Variants in EFCAB8 observed in about 807,000 individuals in gnomAD.
EFCAB8 encodes the protein EF-hand calcium binding domain 8, also known as EF-hand calcium-binding domain-containing protein 8.
In EFCAB8, 100 loss-of-function variants were observed where a neutral mutation model predicts 116.3. The observed-to-expected ratio is 0.86, with a 90% CI of 0.73 to 1.02. The LOEUF (loss-of-function observed/expected upper bound fraction) is 1.02. EFCAB8 is among the 50% of genes least tolerant of loss of function. EFCAB8 has a pLI of 0.00. For synonymous variants in EFCAB8, 558 were observed against 567.9 expected, an observed-to-expected ratio of 0.98 and a Z score of 0.25; for missense variants, 1,320 against 1,416.9, an observed-to-expected ratio of 0.93 and a Z score of 1.10.
At chr20:32,930,858 C>T (rs563512482) in intron 21 of EFCAB8, among the ~76,000 whole-genome samples, 1 of 152,310 alleles carries the variant, frequency 6.6e-6, no homozygotes, top group South Asian at 2.1e-4. Flanking sequence ...CTGTCTTCTC[C>T]AACTCCCTCA....
chr20:32,907,059 G>A, intron 13 of EFCAB8, 65 bp downstream of exon 13: 1 of 1,452,432 alleles, frequency 6.9e-7, no homozygotes, highest in Non-Finnish European at 9.1e-7. Flanking sequence ...CAGAGAAATG[G>A]CATGACCTCC....
chr20:32,923,747 G>A (rs1173569594), intron 20 of EFCAB8, among the ~76,000 whole-genome samples: 6 of 151,956 alleles, frequency 3.9e-5, no homozygotes, highest in African/African-American at 1.5e-4. Flanking sequence ...ACTCCTCACG[G>A]GCATCTCTTC....
chr20:32,942,580 T>C (rs1988440909), intron 22 of EFCAB8, among the ~76,000 whole-genome samples: 1 of 152,114 alleles, frequency 6.6e-6, no homozygotes, highest in Non-Finnish European at 1.5e-5. Flanking sequence ...TCATATGGAT[T>C]ACAAATATCC....
intron 17 of EFCAB8, 39 bp from the exon 18 acceptor site, chr20:32,917,262 C>A: frequency 1.4e-6 from 2 of 1,475,042 alleles, no homozygotes; most frequent in South Asian, 1.2e-5. Flanking sequence ...GCATTACAGG[C>A]TGAGCTCTCA....
chr20:32,939,335 T>C (rs942368338), intron 22 of EFCAB8, among the ~76,000 whole-genome samples: 2 of 142,918 alleles, frequency 1.4e-5, no homozygotes, highest in Middle Eastern at 3.5e-3. Flanking sequence ...CAGGCTGGAG[T>C]GCAGTGGTGC....
chr20:32,910,738 CTTTT>C (rs34185318), intron 15 of EFCAB8, among the ~76,000 whole-genome samples: 1 of 107,312 alleles, frequency 9.3e-6, no homozygotes, highest in Non-Finnish European at 1.8e-5. Context: ...TCACTTGCTA[CTTTT>C]TTTTTTTTTT....
chr20:32,943,485 A>C (rs1988470047), intron 22 of EFCAB8, among the ~76,000 whole-genome samples, 151 bp from the exon 23 acceptor site: 1 of 152,204 alleles, frequency 6.6e-6, no homozygotes, highest in Admixed American at 6.5e-5. Flanking sequence ...GGTCGCAAGC[A>C]AGTTCATGTG....
rs1465243667 is a variant in EFCAB8 at position 32,908,191 on chromosome 20, C to T, written c.1309-84C>T. 9.0e-6 allele frequency: 11 copies of T among 1,222,532 alleles called. No individual in the cohort carries two copies. In the South Asian group the frequency reaches 1.7e-4, roughly 19 times the overall value. 75.7% of individuals were successfully genotyped at this position (1,222,532 alleles called of 1,614,324 possible). A position where few individuals can be genotyped will look rare whatever the true frequency, so the allele number is the denominator to read the frequency against. The stretch of plus-strand genomic sequence containing the variant: ...ACGGACGATGTGCCCTGGCCTTGTT[C>T]GCCGGAGGCACCCCCGAGGCTTCAG... On this transcript the variant is annotated intron_variant, in intron 13 of 26. Coordinates refer to ENST00000400522, the MANE Select transcript of EFCAB8 (RefSeq NM_001143967.2).
chr20:32,939,183 CT>C (rs1568941711), intron 22 of EFCAB8, among the ~76,000 whole-genome samples: 3 of 76,534 alleles, frequency 3.9e-5, no homozygotes, highest in Middle Eastern at 6.8e-3. Flanking sequence ...TTCTTTCTTT[CT>C]TTCTTTCTTT....
chr20:32,954,616 C>T (rs1003451658), intron 23 of EFCAB8, among the ~76,000 whole-genome samples: 20 of 152,150 alleles, frequency 1.3e-4, no homozygotes, highest in African/African-American at 4.6e-4. Flanking sequence ...AAGATATTCT[C>T]TTAGATTTCC....
Position 32,960,073 on chromosome 20 carries a change from T to C in EFCAB8, c.3305T>C (p.Val1102Ala). 6.4e-7 allele frequency: 1 copy of C among 1,551,638 alleles called. No individual in the cohort carries two copies. Among genetic ancestry groups the C allele is most frequent in the Non-Finnish European group, 8.7e-7 (1 of 1,146,970 alleles). ...GCGTGGCTCCTGCAGGTGAGCAAAG[T>C]CTTGGGAGCGGCGTATAAGCCCAAG... ...WESRDKQVSK[V>A]LGAAYKPKER... The change falls in exon 26 of 27, where the codon GTC (valine) becomes GCC (alanine). Residue 1102 changes from valine to alanine, a missense_variant. Val to Ala is a moderately conservative substitution (Grantham distance 64, BLOSUM62 0). Coordinates refer to ENST00000400522, the MANE Select transcript of EFCAB8 (RefSeq NM_001143967.2).
chr20:32,913,028 AT>A (rs1987016677), intron 17 of EFCAB8, among the ~76,000 whole-genome samples, 164 bp downstream of exon 17: 3 of 152,140 alleles, frequency 2.0e-5, no homozygotes, highest in Admixed American at 1.3e-4. Flanking sequence ...TTTATTCATT[AT>A]TCATTGAGGC....
chr20:32,926,412 ATTG>A lies in EFCAB8; in HGVS notation c.2413-3983_2413-3981del, dbSNP rs371023833. On this transcript the variant is annotated intron_variant, in intron 20 of 26. Transcript: ENST00000400522. Reference sequence around the variant, plus strand: ...AACAAAACTGAGAACGTTTGAAACTATTGTTTATTTAGCTGTTTGCTTTTTTTT... The same window carrying A: ...AACAAAACTGAGAACGTTTGAAACTATTTATTTAGCTGTTTGCTTTTTTTT... 3.2e-3 allele frequency among the ~76,000 whole-genome samples: 443 copies of A among 139,172 alleles called. 1 individual carries two copies. The highest frequency in any genetic ancestry group is 0.011 in the African/African-American group (419 of 37,578). The allele number at this position is 139,172 out of a possible 152,430, so 91.3% of individuals were successfully genotyped here. A position where few individuals can be genotyped will look rare whatever the true frequency, so the allele number is the denominator to read the frequency against.
intron 23 of EFCAB8, among the ~76,000 whole-genome samples, chr20:32,948,912 A>G (rs1352399190): frequency 4.6e-5 from 7 of 152,232 alleles, no homozygotes; most frequent in African/African-American, 1.7e-4. Flanking sequence ...CTAATGGTGA[A>G]AGGCTGAGTA....
intron 23 of EFCAB8, among the ~76,000 whole-genome samples, chr20:32,952,577 G>A (rs1386681951): frequency 1.1e-4 from 16 of 152,186 alleles, no homozygotes. Context: ...CTCCTGTGAA[G>A]TGTCTCTTTG....
chr20:32,924,301 C>G (rs947928379), intron 20 of EFCAB8, among the ~76,000 whole-genome samples: 1 of 152,104 alleles, frequency 6.6e-6, no homozygotes, highest in African/African-American at 2.4e-5. Flanking sequence ...TGGGCTCAAG[C>G]GATCCTCCTG....
chr20:32,872,906 A>T (rs1191837413), intron 3 of EFCAB8, among the ~76,000 whole-genome samples: 1 of 151,880 alleles, frequency 6.6e-6, no homozygotes, highest in Non-Finnish European at 1.5e-5. Context: ...AGCCTGGCCA[A>T]CATGGCGAAA....
intron 23 of EFCAB8, among the ~76,000 whole-genome samples, chr20:32,954,840 T>G (rs970680761): frequency 6.6e-6 from 1 of 152,226 alleles, no homozygotes; most frequent in African/African-American, 2.4e-5. Context: ...GTAAATTACA[T>G]TTTTTGAATT....
intron 23 of EFCAB8, among the ~76,000 whole-genome samples, chr20:32,954,705 T>C (rs1210652811): frequency 6.6e-6 from 1 of 152,238 alleles, no homozygotes; most frequent in Non-Finnish European, 1.5e-5. Context: ...AGAGGATGTT[T>C]TCTCTATTTC....
Sources: gnomAD v4.1 joint callset for allele counts (sites outside exome capture counted in the v4.1 genomes callset) on GRCh38, gnomAD v4.1.1 for gene constraint, MANE v1.5 for transcripts, NCBI Gene and HGNC (gene_info 2026-07-23, HGNC 2026-07-21) for gene names.